Variants in KCNIP4 observed in about 807,000 individuals in gnomAD.
The protein encoded by KCNIP4 is Kv channel-interacting protein 4.
Under a neutral mutation model 34.0 loss-of-function variants are expected in KCNIP4, and 12 were observed. The ratio of observed to expected loss-of-function variants is 0.35; its 90% CI spans 0.23 to 0.57. The LOEUF (loss-of-function observed/expected upper bound fraction) is 0.57, where lower values mean the gene tolerates loss of function less well. Among genes scored for constraint, KCNIP4 ranks in the 20% least tolerant of loss-of-function variants. KCNIP4 has a pLI of 0.83. For synonymous variants in KCNIP4, 124 were observed against 102.2 expected (o/e 1.21, Z -1.29); for missense variants, 238 against 311.7 (o/e 0.76, Z 1.78).
At position 21,633,743 on chromosome 4, in the gene KCNIP4, C is replaced by T. The variant is rs138512583; in HGVS notation, c.61+314828G>A. Among the ~76,000 whole-genome samples, 951 of 151,962 alleles carry T rather than the reference C, an allele frequency of 6.3e-3. 6 individuals are homozygous for T. Among genetic ancestry groups the T allele is most frequent in the Middle Eastern group, 0.027 (8 of 292 alleles). ...AATATGGGTTTTATCTTGATATTTA[C>T]CTTATTAGAATTTAAACTGAGAAAT... On this transcript the variant is annotated intron_variant, in intron 1 of 8. Coordinates refer to ENST00000382152, the MANE Select transcript of KCNIP4 (RefSeq NM_025221.6).
intron 1 of KCNIP4, among the ~76,000 whole-genome samples, chr4:21,889,777 C>T (rs1191429166): frequency 6.6e-6 from 1 of 152,050 alleles, no homozygotes; most frequent in Non-Finnish European, 1.5e-5. Flanking sequence ...AAGAAGGGAC[C>T]ACACAGGCCA....
chr4:21,923,991 T>A (rs1729087754), intron 1 of KCNIP4, among the ~76,000 whole-genome samples: 1 of 152,158 alleles, frequency 6.6e-6, no homozygotes, highest in Non-Finnish European at 1.5e-5. Flanking sequence ...GAGAGTCAGG[T>A]ATAGGTCAGG....
At chr4:21,436,555 C>G (rs1293445760) in intron 1 of KCNIP4, among the ~76,000 whole-genome samples, 1 of 152,152 alleles carries the variant, frequency 6.6e-6, no homozygotes, top group African/African-American at 2.4e-5. Flanking sequence ...TCAGGTAAAG[C>G]GATGGAGTGA....
chr4:21,174,611 A>T (rs1229712958), intron 1 of KCNIP4, among the ~76,000 whole-genome samples: 2 of 152,148 alleles, frequency 1.3e-5, no homozygotes, highest in African/African-American at 4.8e-5. Flanking sequence ...TCAAAAATGC[A>T]TTAGTAGGCT....
At chr4:21,577,080 C>A (rs7664834) in intron 1 of KCNIP4, among the ~76,000 whole-genome samples, 18,183 of 152,034 alleles carry the variant, frequency 0.12, 1,214 homozygotes, top group African/African-American at 0.15. Context: ...TAAATGAATA[C>A]CAACTTATCT....
intron 1 of KCNIP4, among the ~76,000 whole-genome samples, chr4:20,968,685 C>T (rs933063518): frequency 5.3e-5 from 8 of 150,258 alleles, no homozygotes; most frequent in Non-Finnish European, 8.9e-5. Context: ...GGGCAGAAAA[C>T]CAAACACTAC....
intron 1 of KCNIP4, among the ~76,000 whole-genome samples, chr4:21,035,076 T>C (rs1741337569): frequency 1.3e-5 from 2 of 152,218 alleles, no homozygotes; most frequent in African/African-American, 4.8e-5. Context: ...CTACATTTGC[T>C]TTTAATGGAC....
chr4:21,576,331 T>C (rs2109061649), intron 1 of KCNIP4, among the ~76,000 whole-genome samples: 1 of 152,284 alleles, frequency 6.6e-6, no homozygotes, highest in East Asian at 1.9e-4. Context: ...TGCTCTGCTA[T>C]ATGACAGTTC....
chr4:21,303,830 C>G, intron 1 of KCNIP4: 1 of 1,613,932 alleles, frequency 6.2e-7, no homozygotes, highest in Non-Finnish European at 8.5e-7. Flanking sequence ...TTCAATCAGC[C>G]CAAACTGTTC....
chr4:21,736,045 G>A (rs189267804), intron 1 of KCNIP4, among the ~76,000 whole-genome samples: 10 of 152,286 alleles, frequency 6.6e-5, no homozygotes, highest in Non-Finnish European at 1.0e-4. Context: ...TAGAGACGGC[G>A]TGTGACTTAG....
chr4:21,146,331 G>A (rs1403139720), intron 1 of KCNIP4, among the ~76,000 whole-genome samples: 4 of 152,134 alleles, frequency 2.6e-5, no homozygotes, highest in African/African-American at 9.7e-5. Flanking sequence ...CCGGGAGGCG[G>A]AGCTTGCAGT....
chr4:21,077,828 G>T (rs948080407), intron 1 of KCNIP4, among the ~76,000 whole-genome samples: 5 of 151,870 alleles, frequency 3.3e-5, no homozygotes, highest in African/African-American at 1.2e-4. Context: ...TCATCTTTTT[G>T]AGTAGGGCAT....
intron 1 of KCNIP4, among the ~76,000 whole-genome samples, chr4:21,071,117 A>G (rs913280688): frequency 6.6e-6 from 1 of 152,132 alleles, no homozygotes; most frequent in Admixed American, 6.5e-5. Context: ...AATTTTGATG[A>G]AATCCCATTT....
chr4:20,909,651 A>AT (rs919219781), intron 1 of KCNIP4, among the ~76,000 whole-genome samples: 37 of 151,990 alleles, frequency 2.4e-4, no homozygotes, highest in African/African-American at 8.7e-4. Context: ...TCCCAACCTT[A>AT]TTTTTTTATG....
chr4:21,383,558 C>T (rs1721735676), intron 1 of KCNIP4, among the ~76,000 whole-genome samples: 3 of 150,616 alleles, frequency 2.0e-5, no homozygotes, highest in Admixed American at 2.0e-4. Flanking sequence ...TGCAATTACT[C>T]ATGCAAAAAC....
At chr4:21,765,032 A>G (rs978645483) in intron 1 of KCNIP4, among the ~76,000 whole-genome samples, 5 of 152,144 alleles carry the variant, frequency 3.3e-5, no homozygotes, top group Admixed American at 1.3e-4. Context: ...TTCCTCCCCA[A>G]ATTAAATTGA....
chr4:21,330,960 C>G (rs116229015), intron 1 of KCNIP4, among the ~76,000 whole-genome samples: 1 of 152,094 alleles, frequency 6.6e-6, no homozygotes, highest in Non-Finnish European at 1.5e-5. Flanking sequence ...CCCTTTAAAG[C>G]CCAACCTGGA....
chr4:21,077,439 G>C (rs1045315366), intron 1 of KCNIP4, among the ~76,000 whole-genome samples: 2 of 152,004 alleles, frequency 1.3e-5, no homozygotes, highest in African/African-American at 4.8e-5. Flanking sequence ...TTATAATGCT[G>C]GTCTTTTTAC....
At chr4:21,899,520 T>A (rs1474785079) in intron 1 of KCNIP4, among the ~76,000 whole-genome samples, 2 of 151,742 alleles carry the variant, frequency 1.3e-5, no homozygotes, top group Admixed American at 6.6e-5. Context: ...GATAATATGA[T>A]CTTATAGTTG....
Sources: allele counts gnomAD v4.1 joint callset (sites outside exome capture counted in the v4.1 genomes callset), GRCh38; gene constraint gnomAD v4.1.1; transcripts MANE v1.5; gene names NCBI Gene and HGNC (gene_info 2026-07-23, HGNC 2026-07-21).